INPP4B: variants seen among roughly 807,000 people sequenced by gnomAD.
INPP4B encodes inositol polyphosphate-4-phosphatase type II B.
Under a neutral mutation model 122.5 loss-of-function variants are expected in INPP4B, and 55 were observed. That is an observed-to-expected ratio of 0.45 (90% CI 0.36 to 0.56). The LOEUF (loss-of-function observed/expected upper bound fraction) is 0.56, where lower values mean the gene tolerates loss of function less well. Ranked by LOEUF, INPP4B falls within the 20% of genes least tolerant of loss-of-function variation. INPP4B has a pLI of 0.00. For missense variants in INPP4B, 1,000 were observed against 1,097.7 expected (o/e 0.91, Z 1.26); for synonymous variants, 403 against 388.7 (o/e 1.04, Z -0.43).
At chr4:142,168,903 C>G (rs545615844) in intron 16 of INPP4B, among the ~76,000 whole-genome samples, 1 of 151,638 alleles carries the variant, frequency 6.6e-6, no homozygotes, top group Admixed American at 6.6e-5. Context: ...TGTTTAGGTT[C>G]CTTTTTGCTA....
rs1474760604 is a variant in INPP4B at position 142,431,386 on chromosome 4, C to A, written c.-126-1G>T. ...GATATCCCACTCTGAAATTCTGTAC[C>A]TAGGAAACATCAAAAGTTAAAATTT... On this transcript the variant is annotated splice_acceptor_variant, in intron 3 of 25. Coordinates refer to ENST00000262992, the MANE Select transcript of INPP4B (RefSeq NM_001101669.3). LOFTEE classifies it low-confidence loss of function (5UTR_SPLICE). The A allele has an allele frequency of 1.5e-6, 1 of 669,846 alleles. No homozygotes were observed. The highest frequency in any genetic ancestry group is 1.8e-5 in the African/African-American group (1 of 54,934). 41.5% of individuals were successfully genotyped at this position (669,846 alleles called of 1,614,324 possible).
intron 3 of INPP4B, among the ~76,000 whole-genome samples, chr4:142,444,408 C>A (rs539158591): frequency 6.6e-5 from 10 of 152,028 alleles, no homozygotes; most frequent in African/African-American, 2.4e-4. Flanking sequence ...ATGAAAAAAA[C>A]CTCATCTTTA....
chr4:142,790,917 T>G (rs1442232848), intron 1 of INPP4B, among the ~76,000 whole-genome samples: 2 of 151,934 alleles, frequency 1.3e-5, no homozygotes, highest in African/African-American at 4.8e-5. Flanking sequence ...CCACACTTCA[T>G]CCCACTCCCA....
chr4:142,764,737 T>A lies in INPP4B; in HGVS notation c.-253-38836A>T, dbSNP rs560661771. Among the ~76,000 whole-genome samples the A allele has an allele frequency of 3.9e-5, 6 of 151,958 alleles. No individual in the cohort carries two copies. The East Asian group carries it at 1.2e-3, about 30-fold the overall frequency. On this transcript the variant is annotated intron_variant, in intron 1 of 25. Transcript: ENST00000262992. ...ACCCTCCCACCTCCTGACATTAATGTTAATCAAGATCTACTCTGAAGACAA... is the reference window on the plus strand; with the variant it reads ...ACCCTCCCACCTCCTGACATTAATGATAATCAAGATCTACTCTGAAGACAA...
intron 15 of INPP4B, among the ~76,000 whole-genome samples, chr4:142,192,288 A>AG (rs1170738765): frequency 6.7e-6 from 1 of 149,890 alleles, no homozygotes; most frequent in Non-Finnish European, 1.5e-5. Flanking sequence ...GGTTAAAAAA[A>AG]AAAGAAAGAA....
chr4:142,774,701 T>A (rs1773584282), intron 1 of INPP4B, among the ~76,000 whole-genome samples: 1 of 152,058 alleles, frequency 6.6e-6, no homozygotes, highest in Admixed American at 6.6e-5. Flanking sequence ...GCACATCATG[T>A]TTGTCTCTTT....
intron 2 of INPP4B, among the ~76,000 whole-genome samples, chr4:142,501,660 AAAT>A (rs1329958595): frequency 6.6e-6 from 1 of 152,132 alleles, no homozygotes; most frequent in African/African-American, 2.4e-5. Flanking sequence ...AGTGACAATT[AAAT>A]AATAGAGAGA....
At chr4:142,271,462 A>G (rs1393580438) in intron 9 of INPP4B, among the ~76,000 whole-genome samples, 1 of 152,212 alleles carries the variant, frequency 6.6e-6, no homozygotes, top group Non-Finnish European at 1.5e-5. Flanking sequence ...TGTGTCTATC[A>G]CAGAAACTGT....
intron 7 of INPP4B, among the ~76,000 whole-genome samples, chr4:142,379,601 G>A (rs1226487106): frequency 1.3e-5 from 2 of 152,208 alleles, no homozygotes; most frequent in East Asian, 3.9e-4. Context: ...TCTTTAAAAC[G>A]TCCTTTTGTT....
chr4:142,072,480 TAA>T (rs373078350), intron 25 of INPP4B, among the ~76,000 whole-genome samples: 3,688 of 126,942 alleles, frequency 0.029, 168 homozygotes, highest in African/African-American at 0.1. Context: ...AGGATAATAA[TAA>T]AAAAAAAAGT....
intron 25 of INPP4B, among the ~76,000 whole-genome samples, chr4:142,050,936 C>T (rs1754230360): frequency 6.6e-6 from 1 of 151,926 alleles, no homozygotes; most frequent in Non-Finnish European, 1.5e-5. Flanking sequence ...TAATTACATA[C>T]AGATAATTAT....
rs539717560 is a variant in INPP4B at position 142,165,310 on chromosome 4, A to T, written c.1360-4749T>A. On this transcript the variant is annotated intron_variant, in intron 16 of 25. Transcript: ENST00000262992. Reference sequence around the variant, plus strand: ...TATTTTCTGGATTAGTCAGCAATTTATTCTACTTATACCTTTACAATAATT... The same window carrying T: ...TATTTTCTGGATTAGTCAGCAATTTTTTCTACTTATACCTTTACAATAATT... 2.6e-5 allele frequency among the ~76,000 whole-genome samples: 4 copies of T among 151,874 alleles called. No homozygotes were observed. In the South Asian group the frequency reaches 8.3e-4, roughly 31 times the overall value.
intron 2 of INPP4B, among the ~76,000 whole-genome samples, chr4:142,660,596 G>C (rs1311222413): frequency 1.3e-5 from 2 of 152,078 alleles, no homozygotes; most frequent in African/African-American, 4.8e-5. Flanking sequence ...GGGCCCAGGG[G>C]AAGGAAACCC....
At chr4:142,821,761 A>C (rs1780821309) in intron 1 of INPP4B, among the ~76,000 whole-genome samples, 1 of 152,182 alleles carries the variant, frequency 6.6e-6, no homozygotes, top group South Asian at 2.1e-4. Context: ...ACAGGCTGGC[A>C]GGTAGTGAGC....
chr4:142,372,882 A>T lies in INPP4B; in HGVS notation c.372+30056T>A, dbSNP rs547254108. Reference sequence around the variant, plus strand: ...ACTCCTGCTGCCTTCCTAGTCTCACAAATAGGAATTCATATGATTAAGCAC... The same window carrying T: ...ACTCCTGCTGCCTTCCTAGTCTCACTAATAGGAATTCATATGATTAAGCAC... On this transcript the variant is annotated intron_variant, in intron 7 of 25. Coordinates refer to ENST00000262992, the MANE Select transcript of INPP4B (RefSeq NM_001101669.3). 3.3e-5 allele frequency among the ~76,000 whole-genome samples: 5 copies of T among 152,146 alleles called. No individual in the cohort carries two copies. The East Asian group carries it at 9.7e-4, about 29-fold the overall frequency.
At chr4:142,819,930 C>A (rs141094006) in intron 1 of INPP4B, among the ~76,000 whole-genome samples, 3 of 151,968 alleles carry the variant, frequency 2.0e-5, no homozygotes, top group Non-Finnish European at 4.4e-5. Flanking sequence ...TGCCTCGAGC[C>A]GAGGCTAAAA....
In INPP4B at chr4:142,409,221, G is replaced by A. The variant is rs9993082; in HGVS notation, c.137-3897C>T. On this transcript the variant is annotated intron_variant, in intron 5 of 25. Coordinates refer to ENST00000262992, the MANE Select transcript of INPP4B (RefSeq NM_001101669.3). ...AAAATAAATGGAGGGGGCCACATGC[G>A]GTGGCTCACGCCTGTAATCCCAGCA... 1.4e-3 allele frequency among the ~76,000 whole-genome samples: 213 copies of A among 152,208 alleles called. 1 individual carries two copies. Among genetic ancestry groups the A allele is most frequent in the African/African-American group, 4.8e-3 (199 of 41,536 alleles).
At chr4:142,362,481 C>T (rs1785791437) in intron 7 of INPP4B, among the ~76,000 whole-genome samples, 1 of 151,774 alleles carries the variant, frequency 6.6e-6, no homozygotes, top group Non-Finnish European at 1.5e-5. Context: ...GCAGTTAATA[C>T]TATTAAAAAT....
At chr4:142,180,216 C>G (rs1174220229) in intron 15 of INPP4B, among the ~76,000 whole-genome samples, 1 of 151,998 alleles carries the variant, frequency 6.6e-6, no homozygotes, top group African/African-American at 2.4e-5. Context: ...TATAATAGTT[C>G]ATTTTTATTC....
Sources: gnomAD v4.1 joint callset for allele counts (sites outside exome capture counted in the v4.1 genomes callset) on GRCh38, gnomAD v4.1.1 for gene constraint, MANE v1.5 for transcripts, NCBI Gene and HGNC (gene_info 2026-07-23, HGNC 2026-07-21) for gene names.